Variants in CYP39A1 observed in about 807,000 individuals in gnomAD.
CYP39A1 encodes the protein 24-hydroxycholesterol 7-alpha-hydroxylase.
CYP39A1 carries 49 observed loss-of-function variants against 58.1 expected under a neutral mutation model. That is an observed-to-expected ratio of 0.84 (90% CI 0.67 to 1.07). CYP39A1 has a LOEUF of 1.07. Among genes scored for constraint, CYP39A1 ranks in the 50% least tolerant of loss-of-function variants. The pLI, the probability that CYP39A1 is intolerant of heterozygous loss-of-function variation, is 0.00. For synonymous variants in CYP39A1, 209 were observed against 187.6 expected, an observed-to-expected ratio of 1.11 and a Z score of -0.93; for missense variants, 531 against 539.4, an observed-to-expected ratio of 0.98 and a Z score of 0.16.
At chr6:46,565,145 T>A (rs531124132) in intron 10 of CYP39A1, among the ~76,000 whole-genome samples, 6 of 152,214 alleles carry the variant, frequency 3.9e-5, no homozygotes, top group Middle Eastern at 3.4e-3. Flanking sequence ...TTATTACAAG[T>A]TTCCTGGTAA....
At chr6:46,609,817 T>C (rs1275081832) in intron 7 of CYP39A1, among the ~76,000 whole-genome samples, 1 of 152,246 alleles carries the variant, frequency 6.6e-6, no homozygotes, top group East Asian at 1.9e-4. Context: ...AGAAAAATGA[T>C]TTACTATTTG....
At chr6:46,621,606 C>A (rs114055344) in intron 7 of CYP39A1, among the ~76,000 whole-genome samples, 6 of 151,956 alleles carry the variant, frequency 3.9e-5, no homozygotes, top group Non-Finnish European at 8.8e-5. Flanking sequence ...AAGTATAAAA[C>A]TGACTCAAGA....
At chr6:46,612,555 C>T (rs891634271) in intron 7 of CYP39A1, among the ~76,000 whole-genome samples, 1 of 152,122 alleles carries the variant, frequency 6.6e-6, no homozygotes, top group Non-Finnish European at 1.5e-5. Context: ...CTACAATTTC[C>T]TGGGTCCATT....
chr6:46,589,503 G>A (rs752928841), intron 8 of CYP39A1, among the ~76,000 whole-genome samples: 3 of 152,008 alleles, frequency 2.0e-5, no homozygotes, highest in Admixed American at 1.3e-4. Flanking sequence ...TGGAGTATGG[G>A]TAGGGATGTC....
At chr6:46,585,108 T>C (rs1256817653) in intron 10 of CYP39A1, among the ~76,000 whole-genome samples, 1 of 152,096 alleles carries the variant, frequency 6.6e-6, no homozygotes, top group Non-Finnish European at 1.5e-5. Flanking sequence ...CCCTTTATTA[T>C]ACCAATTACT....
intron 5 of CYP39A1, among the ~76,000 whole-genome samples, chr6:46,635,465 G>GCAGA (rs1196321807): frequency 6.6e-6 from 1 of 152,182 alleles, no homozygotes. Context: ...CTAATGAGAG[G>GCAGA]CAGAGGTGAG....
chr6:46,586,943 G>A (rs1208527372), intron 10 of CYP39A1, 134 bp downstream of exon 10: 1 of 674,908 alleles, frequency 1.5e-6, no homozygotes, highest in Admixed American at 2.8e-5. Context: ...AGATAAACCA[G>A]ACAAAATGTG....
At chr6:46,599,195 C>T (rs1773344992) in intron 7 of CYP39A1, among the ~76,000 whole-genome samples, 1 of 152,066 alleles carries the variant, frequency 6.6e-6, no homozygotes, top group Non-Finnish European at 1.5e-5. Flanking sequence ...TAGGTCATGT[C>T]TCTGGCTCTG....
chr6:46,553,446 T>C lies in CYP39A1; in HGVS notation c.1338+321A>G, dbSNP rs56683507. 2.4e-3 allele frequency among the ~76,000 whole-genome samples: 369 copies of C among 152,184 alleles called. 2 individuals are homozygous for C. Among genetic ancestry groups the C allele is most frequent in the African/African-American group, 7.7e-3 (318 of 41,550 alleles). On this transcript the variant is annotated intron_variant, in intron 11 of 11. Transcript: ENST00000275016. ...TCACAGACATTCCTTTCTAGAAAAA[T>C]AAGGGCAAAGTGGGCGCCATGTTTA...
intron 5 of CYP39A1, among the ~76,000 whole-genome samples, chr6:46,634,799 G>T (rs575390784): frequency 6.6e-6 from 1 of 152,290 alleles, no homozygotes; most frequent in Admixed American, 6.5e-5. Context: ...TGGGATTACA[G>T]GCGTGAGCCA....
At chr6:46,625,815 A>G (rs548042108) in intron 6 of CYP39A1, among the ~76,000 whole-genome samples, 136 of 152,216 alleles carry the variant, frequency 8.9e-4, no homozygotes, top group African/African-American at 3.1e-3. Context: ...TGAGTAACAC[A>G]AAATATTATA....
chr6:46,562,987 T>C (rs1771064191), intron 10 of CYP39A1, among the ~76,000 whole-genome samples: 1 of 151,998 alleles, frequency 6.6e-6, no homozygotes, highest in African/African-American at 2.4e-5. Flanking sequence ...TAAGATAGTA[T>C]TGATATTTAT....
intron 2 of CYP39A1, 29 bp downstream of exon 2, chr6:46,642,134 C>T (rs752762762): frequency 4.5e-5 from 73 of 1,609,926 alleles, no homozygotes; most frequent in Admixed American, 5.0e-5. Flanking sequence ...TGTTGGATTT[C>T]GAATGGACTA....
At chr6:46,632,326 A>G (rs73471120) in intron 5 of CYP39A1, among the ~76,000 whole-genome samples, 12,328 of 152,222 alleles carry the variant, frequency 0.081, 738 homozygotes, top group Admixed American at 0.19. Flanking sequence ...GTGTTCCTGT[A>G]GAAGTATTAT....
intron 1 of CYP39A1, 142 bp from the exon 2 acceptor site, chr6:46,642,440 G>T (rs1180841672): frequency 1.5e-5 from 11 of 752,666 alleles, no homozygotes; most frequent in South Asian, 2.1e-5. Flanking sequence ...TATAAATTTT[G>T]ATTGTTTCAG....
intron 10 of CYP39A1, among the ~76,000 whole-genome samples, chr6:46,580,113 G>T (rs1362171754): frequency 6.6e-6 from 1 of 152,042 alleles, no homozygotes; most frequent in Non-Finnish European, 1.5e-5. Flanking sequence ...ATACTACAAG[G>T]CCACAGTAAC....
In CYP39A1 at chr6:46,596,071, T is replaced by C; in HGVS notation, c.981A>G (p.Leu327=). The change falls in exon 8 of 12, where the codon CTA becomes CTG. Residue 327 remains leucine, a synonymous_variant. Transcript: ENST00000275016. ...TGGTTTCCAAAACACACCATTTAAT[T>C]AGAAGGAGATTCTCCAGGTCATCCT... ...VSEDDLENLL[L]IKWCVLETIR... 1 of 1,611,424 alleles carries C rather than the reference T, an allele frequency of 6.2e-7. No individual in the cohort carries two copies. The highest frequency in any genetic ancestry group is 1.7e-5 in the Admixed American group (1 of 59,806).
chr6:46,648,968 AC>A (rs1762505506), intron 1 of CYP39A1, among the ~76,000 whole-genome samples: 1 of 152,236 alleles, frequency 6.6e-6, no homozygotes, highest in Non-Finnish European at 1.5e-5. Context: ...ATTCTAATAA[AC>A]AAAAGACTGA....
At position 46,583,454 on chromosome 6, in the gene CYP39A1, G is replaced by A. The variant is rs544433996; in HGVS notation, c.1250+3623C>T. 3.3e-5 allele frequency: 33 copies of A among 985,298 alleles called. No individual in the cohort carries two copies. The East Asian group carries it at 3.4e-4, about 10-fold the overall frequency. 61.0% of individuals were successfully genotyped at this position (985,298 alleles called of 1,614,324 possible). Reference sequence around the variant, plus strand: ...TTTTCCTCCACACTGAAAACCCTCCGTCTTATTCCTCCATTTAAATCGTAT... The same window carrying A: ...TTTTCCTCCACACTGAAAACCCTCCATCTTATTCCTCCATTTAAATCGTAT... On this transcript the variant is annotated intron_variant, in intron 10 of 11. Coordinates refer to ENST00000275016, the MANE Select transcript of CYP39A1 (RefSeq NM_016593.5).
Sources: allele counts gnomAD v4.1 joint callset (sites outside exome capture counted in the v4.1 genomes callset), GRCh38; gene constraint gnomAD v4.1.1; transcripts MANE v1.5; gene names NCBI Gene and HGNC (gene_info 2026-07-23, HGNC 2026-07-21).